Variants in AGO1 observed in about 807,000 individuals in gnomAD.
AGO1 encodes the protein protein argonaute-1.
AGO1 carries 11 observed loss-of-function variants against 109.2 expected under a neutral mutation model. That is an observed-to-expected ratio of 0.10 (90% CI 0.06 to 0.17). The LOEUF (loss-of-function observed/expected upper bound fraction) is 0.17, where lower values mean the gene tolerates loss of function less well. Among genes scored for constraint, AGO1 ranks in the 10% least tolerant of loss-of-function variants. The pLI is 1.00. For missense variants in AGO1, 574 were observed against 1,140.3 expected, an observed-to-expected ratio of 0.50 and a Z score of 7.15; for synonymous variants, 422 against 418.6, an observed-to-expected ratio of 1.01 and a Z score of -0.10.
At position 35,901,823 on chromosome 1, in the gene AGO1, C is replaced by T; in HGVS notation, c.1141-125C>T. On this transcript the variant is annotated intron_variant, in intron 9 of 18. Coordinates refer to ENST00000373204, the MANE Select transcript of AGO1 (RefSeq NM_012199.5). The surrounding 1 kb of genome is among the most constrained non-coding windows in gnomAD (Gnocchi z 4.8). ...TCACTTCCCTCATCTTCCACTTTCT[C>T]TCTCTTTTTAGGACTATTCCGTACC... 4 of 1,409,072 alleles carry T rather than the reference C, an allele frequency of 2.8e-6. No homozygotes were observed. The highest frequency in any genetic ancestry group is 3.9e-6 in the Non-Finnish European group (4 of 1,038,292). 87.3% of individuals were successfully genotyped at this position (1,409,072 alleles called of 1,614,324 possible).
Position 35,883,454 on chromosome 1 carries a change from TC to T in AGO1, c.25+12del, listed in dbSNP as rs905912897. 4 of 1,554,702 alleles carry T rather than the reference TC, an allele frequency of 2.6e-6. No individual in the cohort carries two copies. Among genetic ancestry groups the T allele is most frequent in the Non-Finnish European group, 3.5e-6 (4 of 1,156,442 alleles). On this transcript the variant is annotated intron_variant, in intron 1 of 18. Coordinates refer to ENST00000373204, the MANE Select transcript of AGO1 (RefSeq NM_012199.5). The surrounding 1 kb of genome is among the most constrained non-coding windows in gnomAD (Gnocchi z 5.4). ...CGGGACCCTCGGGAGCAGGTAAGGG[TC>T]CCCAGGAGGGGGAACGGTGCATGCT...
intron 17 of AGO1, 113 bp downstream of exon 17, chr1:35,918,536 T>C (rs1645775711): frequency 6.4e-6 from 6 of 944,064 alleles, no homozygotes; most frequent in South Asian, 1.3e-5. Flanking sequence ...GATTGCTCTC[T>C]TTTCTGTTTG....
chr1:35,876,743 A>G (rs1392835093), intron 1 of AGO1, among the ~76,000 whole-genome samples: 1 of 152,194 alleles, frequency 6.6e-6, no homozygotes, highest in African/African-American at 2.4e-5. Flanking sequence ...GGGAAGTTCT[A>G]CTGTGGGTAA....
At position 35,904,920 on chromosome 1, in the gene AGO1, A is replaced by G. The variant is rs145181288; in HGVS notation, c.1398-2015A>G. Among the ~76,000 whole-genome samples the G allele has an allele frequency of 4.0e-3, 610 of 152,338 alleles. 1 individual carries two copies. Among genetic ancestry groups the G allele is most frequent in the Non-Finnish European group, 6.4e-3 (436 of 68,034 alleles). On this transcript the variant is annotated intron_variant, in intron 11 of 18. Transcript: ENST00000373204. ...TTCCACTGAGAAAGTGGGGGAAAAC[A>G]TGAAGGTGCTATGGGGTTTGACAAA...
chr1:35,915,144 A>G (rs1171016875), intron 14 of AGO1, among the ~76,000 whole-genome samples: 1 of 152,038 alleles, frequency 6.6e-6, no homozygotes, highest in Non-Finnish European at 1.5e-5. Flanking sequence ...TGTTCTTATC[A>G]CCATCTGAGA....
chr1:35,893,972 G>A lies in AGO1; in HGVS notation c.650-65G>A. The A allele has an allele frequency of 6.6e-7, 1 of 1,522,440 alleles. No homozygotes were observed. Among genetic ancestry groups the A allele is most frequent in the Non-Finnish European group, 8.8e-7 (1 of 1,133,500 alleles). 94.3% of individuals were successfully genotyped at this position (1,522,440 alleles called of 1,614,324 possible). A position where few individuals can be genotyped will look rare whatever the true frequency, so the allele number is the denominator to read the frequency against. ...CCCTTTAAGGAAGAGGGTATAAATT[G>A]CTGTGCCTCCATGTATTGTGGAAGA... is the stretch of plus-strand genomic sequence containing the variant. On this transcript the variant is annotated intron_variant, in intron 5 of 18. Coordinates refer to ENST00000373204, the MANE Select transcript of AGO1 (RefSeq NM_012199.5). The surrounding 1 kb of genome is among the most constrained non-coding windows in gnomAD (Gnocchi z 5.6).
intron 15 of AGO1, 144 bp from the exon 16 acceptor site, chr1:35,917,449 T>G (rs1645753792): frequency 1.1e-6 from 1 of 924,132 alleles, no homozygotes; most frequent in African/African-American, 1.7e-5. Context: ...GGGCCTGTCA[T>G]CTCTAATTGT....
intron 1 of AGO1, among the ~76,000 whole-genome samples, chr1:35,872,031 C>G (rs1285756448): frequency 6.9e-6 from 1 of 145,984 alleles, no homozygotes; most frequent in Non-Finnish European, 1.5e-5. Context: ...GATTGCACCA[C>G]TGCACTCCAG....
In AGO1 at chr1:35,919,259, G is replaced by T. The variant is rs761567792; in HGVS notation, c.2465+5G>T. 2 of 1,612,536 alleles carry T rather than the reference G, an allele frequency of 1.2e-6. No individual in the cohort carries two copies. Among genetic ancestry groups the T allele is most frequent in the Non-Finnish European group, 1.7e-6 (2 of 1,179,354 alleles). Reference sequence around the variant, plus strand: ...GGTGGACAAGGAGCATGACAGGTGAGGCCTGGGATCAGGTTGGCCTCCTTT... The same window carrying T: ...GGTGGACAAGGAGCATGACAGGTGATGCCTGGGATCAGGTTGGCCTCCTTT... On this transcript the variant is annotated splice_donor_5th_base_variant and intron_variant, in intron 18 of 18. Coordinates refer to ENST00000373204, the MANE Select transcript of AGO1 (RefSeq NM_012199.5). This position sits in a 1 kb window ranked among gnomAD's most constrained non-coding sequence, Gnocchi z 6.6.
chr1:35,897,221 A>T (rs2148713207), intron 8 of AGO1, among the ~76,000 whole-genome samples: 1 of 152,340 alleles, frequency 6.6e-6, no homozygotes, highest in Non-Finnish European at 1.5e-5. Flanking sequence ...GGATAGAAGT[A>T]AGGGAGGAAG....
chr1:35,900,096 A>G (rs932829527), intron 8 of AGO1, among the ~76,000 whole-genome samples: 1 of 152,170 alleles, frequency 6.6e-6, no homozygotes, highest in African/African-American at 2.4e-5. Flanking sequence ...CCCAGAACAG[A>G]TGAAGTAAAT....
intron 11 of AGO1, among the ~76,000 whole-genome samples, chr1:35,904,737 T>C (rs1159407360): frequency 6.6e-6 from 1 of 152,168 alleles, no homozygotes; most frequent in African/African-American, 2.4e-5. Context: ...GGTAAATATT[T>C]CCAAGTCATC....
rs1181550295 is a variant in AGO1 at position 35,926,002 on chromosome 1, G to GAGCC, written c.*6404_*6407dup. On this transcript the variant is annotated 3_prime_UTR_variant, in exon 19 of 19. Coordinates refer to ENST00000373204, the MANE Select transcript of AGO1 (RefSeq NM_012199.5). ...TCATCTGGCAGACTCCCTTGGGAAA[G>GAGCC]AGCCAGCCAGCCCCATGCTTCTTTT... is the stretch of plus-strand genomic sequence containing the variant. The GAGCC allele has an allele frequency of 1.3e-5, 2 of 152,208 alleles. No individual in the cohort carries two copies. The highest frequency in any genetic ancestry group is 4.8e-5 in the African/African-American group (2 of 41,440). 9.4% of individuals were successfully genotyped at this position (152,208 alleles called of 1,614,324 possible).
chr1:35,874,295 G>A (rs1443990590), intron 1 of AGO1, among the ~76,000 whole-genome samples: 1 of 152,178 alleles, frequency 6.6e-6, no homozygotes, highest in Non-Finnish European at 1.5e-5. Context: ...AGCTTCCTGA[G>A]TAGCTGGGAC....
At position 35,893,556 on chromosome 1, in the gene AGO1, G is replaced by C. The variant is rs1269481898; in HGVS notation, c.513-118G>C. 35 of 1,095,724 alleles carry C rather than the reference G, an allele frequency of 3.2e-5. No individual in the cohort carries two copies. Among genetic ancestry groups the C allele is most frequent in the Non-Finnish European group, 4.0e-5 (31 of 783,212 alleles). 67.9% of individuals were successfully genotyped at this position (1,095,724 alleles called of 1,614,324 possible). ...CAGTCATACAACTAGTAAAGCATCAGAGCTGGCATTAAAGCCCCGGTGTCC... is the reference window on the plus strand; with the variant it reads ...CAGTCATACAACTAGTAAAGCATCACAGCTGGCATTAAAGCCCCGGTGTCC... On this transcript the variant is annotated intron_variant, in intron 4 of 18. Coordinates refer to ENST00000373204, the MANE Select transcript of AGO1 (RefSeq NM_012199.5). The surrounding 1 kb of genome is among the most constrained non-coding windows in gnomAD (Gnocchi z 5.6).
chr1:35,883,980 G>C lies in AGO1; in HGVS notation c.25+534G>C, dbSNP rs1645076107. On this transcript the variant is annotated intron_variant, in intron 1 of 18. Coordinates refer to ENST00000373204, the MANE Select transcript of AGO1 (RefSeq NM_012199.5). This position sits in a 1 kb window ranked among gnomAD's most constrained non-coding sequence, Gnocchi z 5.4. ...CCCAGTCCCGGGATTACCCCCCGTG[G>C]GTCTGGGGAGTCGGAGCGGAGGCTC... Among the ~76,000 whole-genome samples, 3 of 152,226 alleles carry C rather than the reference G, an allele frequency of 2.0e-5. No homozygotes were observed. Among genetic ancestry groups the C allele is most frequent in the Admixed American group, 2.0e-4 (3 of 15,284 alleles).
chr1:35,902,150 T>C lies in AGO1; in HGVS notation c.1264-54T>C. On this transcript the variant is annotated intron_variant, in intron 10 of 18. Coordinates refer to ENST00000373204, the MANE Select transcript of AGO1 (RefSeq NM_012199.5). ...GTATAGCCAGGGGCTTTTGCTCCCC[T>C]ACCCACCTGACTCTACTGAGGCTCA... 2.5e-6 allele frequency: 4 copies of C among 1,594,282 alleles called. No individual in the cohort carries two copies. In the East Asian group the frequency reaches 9.0e-5, roughly 36 times the overall value.
intron 11 of AGO1, 127 bp from the exon 12 acceptor site, chr1:35,906,808 G>GAAA (rs58488535): frequency 8.7e-4 from 469 of 537,274 alleles, no homozygotes; most frequent in South Asian, 1.4e-3. Context: ...CTGTCTCAAG[G>GAAA]AAAAAAAAAA....
intron 15 of AGO1, 133 bp downstream of exon 15, chr1:35,915,675 G>A: frequency 1.2e-6 from 1 of 848,494 alleles, no homozygotes; most frequent in South Asian, 1.7e-5. Flanking sequence ...GTAGACTTGG[G>A]GGCAAGGATC....
Sources: allele counts gnomAD v4.1 joint callset (sites outside exome capture counted in the v4.1 genomes callset), GRCh38; gene constraint gnomAD v4.1.1; non-coding constraint Gnocchi (gnomAD v3.1); transcripts MANE v1.5; gene names NCBI Gene and HGNC (gene_info 2026-07-23, HGNC 2026-07-21).